Variants in CACNA1D observed in about 807,000 individuals in gnomAD.
The protein encoded by CACNA1D is calcium voltage-gated channel subunit alpha1 D, also known as voltage-dependent L-type calcium channel subunit alpha-1D.
In CACNA1D, 55 loss-of-function variants were observed where a neutral mutation model predicts 257.1. The observed-to-expected ratio is 0.21, with a 90% CI of 0.17 to 0.27. The LOEUF (loss-of-function observed/expected upper bound fraction) is 0.27, where lower values mean the gene tolerates loss of function less well. CACNA1D is among the 10% of genes least tolerant of loss of function. CACNA1D has a pLI of 1.00. For missense variants in CACNA1D, 1,876 were observed against 2,784.0 expected, an observed-to-expected ratio of 0.67 and a Z score of 7.34; for synonymous variants, 980 against 1,014.9, an observed-to-expected ratio of 0.97 and a Z score of 0.65.
chr3:53,646,820 G>A (rs1280213044), intron 3 of CACNA1D, among the ~76,000 whole-genome samples: 2 of 152,160 alleles, frequency 1.3e-5, no homozygotes, highest in Non-Finnish European at 2.9e-5. Context: ...GGGGATAGAT[G>A]GATAGACAGA....
intron 3 of CACNA1D, among the ~76,000 whole-genome samples, chr3:53,623,688 T>C (rs1358032287): frequency 2.0e-5 from 3 of 152,258 alleles, no homozygotes; most frequent in East Asian, 3.8e-4. Context: ...CTTTGCAATG[T>C]AGCTGATTTA....
chr3:53,747,288 G>C lies in CACNA1D; in HGVS notation c.3168-14G>C, dbSNP rs747298700. On this transcript the variant is annotated splice_polypyrimidine_tract_variant and intron_variant, in intron 25 of 47. Coordinates refer to ENST00000350061, the MANE Select transcript of CACNA1D (RefSeq NM_001128840.3). ...GTGTGAAGCCAGACGACCCACACCT[G>C]TTTTCCTCTCCAGGGGACTTTTCAT... The C allele has an allele frequency of 6.2e-7, 1 of 1,613,610 alleles. No homozygotes were observed. The highest frequency in any genetic ancestry group is 8.5e-7 in the Non-Finnish European group (1 of 1,179,540).
chr3:53,566,663 T>C (rs2092846079), intron 3 of CACNA1D, among the ~76,000 whole-genome samples: 2 of 152,192 alleles, frequency 1.3e-5, no homozygotes, highest in South Asian at 4.1e-4. Flanking sequence ...GCTTGAGAGC[T>C]GTTTGCTGAG....
chr3:53,495,594 C>T lies in CACNA1D; in HGVS notation c.67+361C>T, dbSNP rs377033560. 1.3e-5 allele frequency among the ~76,000 whole-genome samples: 2 copies of T among 152,236 alleles called. No homozygotes were observed. Among genetic ancestry groups the T allele is most frequent in the African/African-American group, 4.8e-5 (2 of 41,554 alleles). ...GCCGCAAGTCTTCAGCCGGAGCCCC[C>T]TTGCCAGCCTCTTCTCGCCTTCCAC... On this transcript the variant is annotated intron_variant, in intron 1 of 47. Transcript: ENST00000350061. The surrounding 1 kb of genome is among the most constrained non-coding windows in gnomAD (Gnocchi z 5.1).
intron 8 of CACNA1D, among the ~76,000 whole-genome samples, chr3:53,674,901 A>G (rs990216979): frequency 1.3e-5 from 2 of 151,120 alleles, no homozygotes; most frequent in Admixed American, 6.6e-5. Flanking sequence ...TCTCCTCCTC[A>G]CTCACTTTAT....
rs532014831 is a variant in CACNA1D, at chr3:53,800,045, A to G, written c.4924-204A>G. ...CGGGGTTGCAGGCCTCAGGCATCCT[A>G]CCTAGGACCTTCTTGACCCTCTGGA... On this transcript the variant is annotated intron_variant, in intron 40 of 47. Coordinates refer to ENST00000350061, the MANE Select transcript of CACNA1D (RefSeq NM_001128840.3). This position sits in a 1 kb window ranked among gnomAD's most constrained non-coding sequence, Gnocchi z 4.3. The G allele has an allele frequency of 5.9e-6, 4 of 676,480 alleles. No individual in the cohort carries two copies. The highest frequency in any genetic ancestry group is 5.0e-5 in the South Asian group (3 of 59,998). The allele number at this position is 676,480 out of a possible 1,614,324, so 41.9% of individuals were successfully genotyped here.
At chr3:53,552,337 C>G (rs1461002605) in intron 3 of CACNA1D, among the ~76,000 whole-genome samples, 1 of 152,146 alleles carries the variant, frequency 6.6e-6, no homozygotes, top group Non-Finnish European at 1.5e-5. Flanking sequence ...GCCCTTTCCA[C>G]CAGATACTTC....
chr3:53,757,418 C>T (rs533787915), intron 29 of CACNA1D, among the ~76,000 whole-genome samples: 27 of 152,278 alleles, frequency 1.8e-4, no homozygotes, highest in African/African-American at 6.5e-4. Flanking sequence ...CATGCCAGAG[C>T]GTCAGTGGCC....
chr3:53,549,063 A>C (rs1250710232), intron 3 of CACNA1D, among the ~76,000 whole-genome samples: 2 of 152,212 alleles, frequency 1.3e-5, no homozygotes, highest in Non-Finnish European at 2.9e-5. Flanking sequence ...GGCTTCACAA[A>C]TCTTTGTGTT....
At chr3:53,724,054 C>T (rs528348513) in intron 14 of CACNA1D, 55 bp downstream of exon 14, 2 of 1,364,958 alleles carry the variant, frequency 1.5e-6, no homozygotes, top group East Asian at 2.3e-5. Flanking sequence ...GCTAAAACTC[C>T]TCTGCCTTCT....
chr3:53,756,324 A>G (rs2095264782), intron 29 of CACNA1D, among the ~76,000 whole-genome samples: 1 of 152,184 alleles, frequency 6.6e-6, no homozygotes, highest in Non-Finnish European at 1.5e-5. Flanking sequence ...GTCATGGGAG[A>G]TGAGATGACC....
intron 12 of CACNA1D, 133 bp downstream of exon 12, chr3:53,722,607 C>A: frequency 1.1e-6 from 1 of 944,388 alleles, no homozygotes; most frequent in Non-Finnish European, 1.7e-6. Flanking sequence ...CTTGGTAGAA[C>A]CATCCAGACA....
At chr3:53,637,068 G>C (rs1037619328) in intron 3 of CACNA1D, among the ~76,000 whole-genome samples, 13 of 149,102 alleles carry the variant, frequency 8.7e-5, no homozygotes, top group Non-Finnish European at 8.9e-5. Context: ...TTATTCTTCT[G>C]TCCTAAATAT....
At chr3:53,777,630 C>T (rs1346370897) in intron 37 of CACNA1D, among the ~76,000 whole-genome samples, 1 of 152,154 alleles carries the variant, frequency 6.6e-6, no homozygotes, top group Non-Finnish European at 1.5e-5. Flanking sequence ...CATTGGGGGA[C>T]ATGGTGCTCT....
intron 3 of CACNA1D, among the ~76,000 whole-genome samples, chr3:53,566,383 T>C (rs1420507321): frequency 6.6e-6 from 1 of 152,134 alleles, no homozygotes. Flanking sequence ...TGGATGGGTG[T>C]TTGGTTTACT....
At chr3:53,716,893 C>T (rs2094824837) in intron 9 of CACNA1D, among the ~76,000 whole-genome samples, 1 of 152,208 alleles carries the variant, frequency 6.6e-6, no homozygotes. Flanking sequence ...CCAGGTTCCA[C>T]CTCTATCCCT....
chr3:53,674,331 G>T (rs747611827), intron 8 of CACNA1D, among the ~76,000 whole-genome samples: 2 of 152,174 alleles, frequency 1.3e-5, no homozygotes, highest in Non-Finnish European at 2.9e-5. Context: ...CTTAGATTGG[G>T]ATTCTTTATT....
In CACNA1D at chr3:53,702,583, C is replaced by T; in HGVS notation, c.1221-58C>T. 5 of 1,569,234 alleles carry T rather than the reference C, an allele frequency of 3.2e-6. No homozygotes were observed. The South Asian group carries it at 4.5e-5, about 14-fold the overall frequency. On this transcript the variant is annotated intron_variant, in intron 8 of 47. Transcript: ENST00000350061. ...ACTGTTGTGCAGTAGGGCAGTGGCT[C>T]AGGATGCAGGTCCCCAAGGATGTCC...
At position 53,673,845 on chromosome 3, in the gene CACNA1D, C is replaced by CG; in HGVS notation, c.1220+719_1220+720insG. 7.0e-7 allele frequency: 1 copy of CG among 1,419,916 alleles called. No individual in the cohort carries two copies. Among genetic ancestry groups the CG allele is most frequent in the Non-Finnish European group, 1.0e-6 (1 of 1,002,734 alleles). 88.0% of individuals were successfully genotyped at this position (1,419,916 alleles called of 1,614,324 possible). Reference sequence around the variant, plus strand: ...AGCAGTCGGATCCGTGTTGCACCTTCTCCTGCTGCCACGTGTGAGGCAACT... The same window carrying CG: ...AGCAGTCGGATCCGTGTTGCACCTTCGTCCTGCTGCCACGTGTGAGGCAACT... On this transcript the variant is annotated intron_variant, in intron 8 of 47. Transcript: ENST00000350061. The surrounding 1 kb of genome is among the most constrained non-coding windows in gnomAD (Gnocchi z 4.1).
Sources: allele counts gnomAD v4.1 joint callset (sites outside exome capture counted in the v4.1 genomes callset), GRCh38; gene constraint gnomAD v4.1.1; non-coding constraint Gnocchi (gnomAD v3.1); transcripts MANE v1.5; gene names NCBI Gene and HGNC (gene_info 2026-07-23, HGNC 2026-07-21).